Variants in NXPH1 observed in about 807,000 individuals in gnomAD.
NXPH1 encodes the protein neurexophilin-1.
NXPH1 carries 5 observed loss-of-function variants against 23.7 expected under a neutral mutation model. That is an observed-to-expected ratio of 0.21 (90% confidence interval 0.11 to 0.44). NXPH1 has a LOEUF of 0.44. Ranked by LOEUF, NXPH1 falls within the 20% of genes least tolerant of loss-of-function variation. The probability of loss-of-function intolerance (pLI) is 0.99; values close to 1 mark genes in which losing one functional copy is unlikely to be tolerated. For synonymous variants in NXPH1, 144 were observed against 122.2 expected, an observed-to-expected ratio of 1.18 and a Z score of -1.18; for missense variants, 324 against 321.6, an observed-to-expected ratio of 1.01 and a Z score of -0.06.
chr7:8,531,672 G>C (rs1156385680), intron 2 of NXPH1, among the ~76,000 whole-genome samples: 2 of 152,112 alleles, frequency 1.3e-5, no homozygotes, highest in Admixed American at 6.6e-5. Context: ...GTAAATTCTT[G>C]TTGCTGTAAA....
chr7:8,535,603 C>G (rs565151633), intron 2 of NXPH1, among the ~76,000 whole-genome samples: 6 of 151,670 alleles, frequency 4.0e-5, no homozygotes, highest in Admixed American at 3.9e-4. Context: ...TGGTCAGAGT[C>G]TAGTAAGGGA....
chr7:8,547,035 C>G (rs1485281412), intron 2 of NXPH1, among the ~76,000 whole-genome samples: 4 of 151,380 alleles, frequency 2.6e-5, no homozygotes, highest in Non-Finnish European at 5.9e-5. Context: ...CTTGAACATC[C>G]TCCTAAACTG....
rs1820627205 is a variant in NXPH1, at chr7:8,658,987, ATG to A, written c.55-92019_55-92018del. Among the ~76,000 whole-genome samples the A allele has an allele frequency of 2.4e-5, 2 of 84,680 alleles. 1 individual carries two copies. The highest frequency in any genetic ancestry group is 5.6e-5 in the Non-Finnish European group (2 of 35,690). The allele number at this position is 84,680 out of a possible 152,430, so 55.6% of individuals were successfully genotyped here. A position where few individuals can be genotyped will look rare whatever the true frequency, so the allele number is the denominator to read the frequency against. ...GTAAAGGGAAAGCTGGCATAAGAAT[ATG>A]TATATATATATATATATTTTTTTTT... On this transcript the variant is annotated intron_variant, in intron 2 of 2. Coordinates refer to ENST00000405863, the MANE Select transcript of NXPH1 (RefSeq NM_152745.3).
At position 8,492,677 on chromosome 7, in the gene NXPH1, A is replaced by G. The variant is rs548788195; in HGVS notation, c.54+56910A>G. ...GCGCCATCATCATCACTGCTATGAC[A>G]CATTGTGGTTGTTGTCATGCCTGAG... On this transcript the variant is annotated intron_variant, in intron 2 of 2. Transcript: ENST00000405863. Among the ~76,000 whole-genome samples the G allele has an allele frequency of 3.9e-5, 6 of 152,108 alleles. No individual in the cohort carries two copies. The South Asian group carries it at 1.2e-3, about 32-fold the overall frequency.
At chr7:8,448,210 A>G (rs1476696417) in intron 2 of NXPH1, among the ~76,000 whole-genome samples, 2 of 152,248 alleles carry the variant, frequency 1.3e-5, no homozygotes, top group East Asian at 3.8e-4. Context: ...CCCACCCATT[A>G]GAGTTATTAT....
At chr7:8,443,516 G>A (rs1324631759) in intron 2 of NXPH1, among the ~76,000 whole-genome samples, 2 of 152,266 alleles carry the variant, frequency 1.3e-5, no homozygotes, top group Non-Finnish European at 2.9e-5. Context: ...CGAGGAACAC[G>A]GCTGGAGCCA....
At chr7:8,748,991 C>G (rs1780519319) in intron 2 of NXPH1, among the ~76,000 whole-genome samples, 1 of 152,122 alleles carries the variant, frequency 6.6e-6, no homozygotes, top group African/African-American at 2.4e-5. Flanking sequence ...GATCTAAGAG[C>G]TTTTGTTCTA....
intron 2 of NXPH1, among the ~76,000 whole-genome samples, chr7:8,677,734 G>T (rs1820974525): frequency 6.6e-6 from 1 of 152,050 alleles, no homozygotes; most frequent in African/African-American, 2.4e-5. Context: ...TAGTTTAGAA[G>T]AAAACTAAAG....
chr7:8,708,361 T>A (rs73245449), intron 2 of NXPH1, among the ~76,000 whole-genome samples: 5,519 of 152,200 alleles, frequency 0.036, 271 homozygotes, highest in African/African-American at 0.12. Flanking sequence ...TTTATTTTTT[T>A]AAATTTTTTT....
At chr7:8,725,808 T>C (rs547266666) in intron 2 of NXPH1, among the ~76,000 whole-genome samples, 1 of 152,132 alleles carries the variant, frequency 6.6e-6, no homozygotes, top group South Asian at 2.1e-4. Flanking sequence ...TTACCTATTT[T>C]TTTTTATTTC....
intron 2 of NXPH1, among the ~76,000 whole-genome samples, chr7:8,695,203 A>G (rs1011340877): frequency 2.0e-5 from 3 of 152,212 alleles, no homozygotes; most frequent in African/African-American, 7.2e-5. Context: ...ATTAGCTCCA[A>G]TTTAAGGTCT....
At chr7:8,562,235 G>A (rs1459151609) in intron 2 of NXPH1, among the ~76,000 whole-genome samples, 3 of 151,692 alleles carry the variant, frequency 2.0e-5, no homozygotes, top group East Asian at 1.9e-4. Flanking sequence ...AGAGATTGAA[G>A]AGGCTTTTTA....
intron 2 of NXPH1, among the ~76,000 whole-genome samples, chr7:8,736,955 CT>C (rs201607337): frequency 0.015 from 2,112 of 144,974 alleles, 29 homozygotes; most frequent in African/African-American, 0.032. Context: ...CAACCCCTAC[CT>C]TTTTTTTTTT....
chr7:8,447,814 T>G (rs536618709), intron 2 of NXPH1, among the ~76,000 whole-genome samples: 3 of 152,320 alleles, frequency 2.0e-5, no homozygotes, highest in African/African-American at 7.2e-5. Flanking sequence ...ACCCTTGATG[T>G]TCCTCGAACA....
intron 2 of NXPH1, among the ~76,000 whole-genome samples, chr7:8,490,430 A>C (rs1340235470): frequency 1.3e-5 from 2 of 151,642 alleles, no homozygotes. Flanking sequence ...TTTTTAAGCA[A>C]ATTGTAAATT....
chr7:8,646,716 G>T (rs1820404779), intron 2 of NXPH1, among the ~76,000 whole-genome samples: 1 of 152,018 alleles, frequency 6.6e-6, no homozygotes, highest in Non-Finnish European at 1.5e-5. Flanking sequence ...CTCATTGGAT[G>T]TGTTAATATA....
rs2040893 is a variant in NXPH1, at chr7:8,489,463, G to C, written c.54+53696G>C. ...CCAGGTACTTCACTTGGGTAGTTTA[G>C]AGCTATTCTCACATTTAGTGTCACC... On this transcript the variant is annotated intron_variant, in intron 2 of 2. Transcript: ENST00000405863. Among the ~76,000 whole-genome samples, 28 of 152,132 alleles carry C rather than the reference G, an allele frequency of 1.8e-4. No individual in the cohort carries two copies. In the East Asian group the frequency reaches 5.4e-3, roughly 30 times the overall value.
At chr7:8,525,754 C>T (rs777922584) in intron 2 of NXPH1, among the ~76,000 whole-genome samples, 4 of 152,210 alleles carry the variant, frequency 2.6e-5, no homozygotes, top group Admixed American at 6.5e-5. Context: ...TGGTGTTGAG[C>T]ATGTGGGTGC....
At chr7:8,733,860 G>T (rs575310502) in intron 2 of NXPH1, among the ~76,000 whole-genome samples, 2 of 152,194 alleles carry the variant, frequency 1.3e-5, no homozygotes, top group Admixed American at 1.3e-4. Context: ...TTCTTTTGCT[G>T]TGCAGAAACT....
Sources: gnomAD v4.1 joint callset for allele counts (sites outside exome capture counted in the v4.1 genomes callset) on GRCh38, gnomAD v4.1.1 for gene constraint, MANE v1.5 for transcripts, NCBI Gene and HGNC (gene_info 2026-07-23, HGNC 2026-07-21) for gene names.